The following VRK1 variants were observed in gnomAD, a reference collection of about 807,000 sequenced individuals.
VRK1 encodes serine/threonine-protein kinase VRK1.
In VRK1, 33 loss-of-function variants were observed where a neutral mutation model predicts 57.1. That is an observed-to-expected ratio of 0.58 (90% CI 0.44 to 0.77). VRK1 has a LOEUF of 0.77. Ranked by LOEUF, VRK1 falls within the 30% of genes least tolerant of loss-of-function variation. The probability of loss-of-function intolerance (pLI) is 0.00; values close to 1 mark genes in which losing one functional copy is unlikely to be tolerated. For missense variants in VRK1, 413 were observed against 477.3 expected (o/e 0.87, Z 1.25); for synonymous variants, 137 against 147.8 (o/e 0.93, Z 0.53).
intron 11 of VRK1, among the ~76,000 whole-genome samples, chr14:96,873,453 T>C (rs1888906145): frequency 6.6e-6 from 1 of 152,178 alleles, no homozygotes; most frequent in South Asian, 2.1e-4. Context: ...TTTGAAGATA[T>C]TTTAGCTGTG....
intron 1 of VRK1, among the ~76,000 whole-genome samples, chr14:96,798,613 A>G (rs1007511722): frequency 6.6e-6 from 1 of 152,050 alleles, no homozygotes; most frequent in Non-Finnish European, 1.5e-5. Context: ...ATCTGTTGAG[A>G]CTGAAATTCA....
At chr14:96,847,452 C>T (rs1269480363) in intron 5 of VRK1, 108 bp downstream of exon 5, 2 of 846,014 alleles carry the variant, frequency 2.4e-6, no homozygotes, top group East Asian at 2.7e-5. Flanking sequence ...ACTAGGCCTC[C>T]CTCTGGAGTA....
intron 10 of VRK1, among the ~76,000 whole-genome samples, chr14:96,860,260 T>C (rs1888332283): frequency 6.6e-6 from 1 of 152,120 alleles, no homozygotes; most frequent in Admixed American, 6.5e-5. Context: ...TTTGTATTTT[T>C]TTATAACTTT....
intron 1 of VRK1, among the ~76,000 whole-genome samples, chr14:96,809,682 C>T (rs1237222801): frequency 1.3e-5 from 2 of 151,478 alleles, no homozygotes; most frequent in East Asian, 2.0e-4. Context: ...AAGTGATTCT[C>T]CTGCCTCAGT....
At chr14:96,875,888 A>G in intron 11 of VRK1, 142 bp from the exon 12 acceptor site, 1 of 859,454 alleles carries the variant, frequency 1.2e-6, no homozygotes. Flanking sequence ...TACTATCCTG[A>G]AGTTGAGAAT....
At chr14:96,858,655 C>A (rs1888262941) in intron 10 of VRK1, among the ~76,000 whole-genome samples, 1 of 152,136 alleles carries the variant, frequency 6.6e-6, no homozygotes, top group Non-Finnish European at 1.5e-5. Context: ...ACCATTCTTT[C>A]CCTTTGTTGT....
chr14:96,881,529 A>G lies in VRK1; in HGVS notation c.*321A>G, dbSNP rs1414748838. 4.6e-6 allele frequency: 1 copy of G among 219,726 alleles called. No homozygotes were observed. The highest frequency in any genetic ancestry group is 9.7e-5 in the East Asian group (1 of 10,302). The allele number at this position is 219,726 out of a possible 1,614,324, so 13.6% of individuals were successfully genotyped here. ...AATCATTGTACATTTCTCAGAGTGG[A>G]TAAAAATGTTTGACAAAGTCCTCAC... On this transcript the variant is annotated 3_prime_UTR_variant, in exon 13 of 13. Coordinates refer to ENST00000216639, the MANE Select transcript of VRK1 (RefSeq NM_003384.3).
At chr14:96,879,674 A>T (rs1346239275) in intron 12 of VRK1, among the ~76,000 whole-genome samples, 1 of 152,108 alleles carries the variant, frequency 6.6e-6, no homozygotes, top group Non-Finnish European at 1.5e-5. Flanking sequence ...CATGCTTGTA[A>T]TGCCAGCAGT....
chr14:96,817,658 T>C (rs1474127136), intron 1 of VRK1, among the ~76,000 whole-genome samples: 1 of 152,200 alleles, frequency 6.6e-6, no homozygotes, highest in African/African-American at 2.4e-5. Flanking sequence ...GATCTATTGA[T>C]AGATTATTAT....
chr14:96,813,935 C>G (rs1222653675), intron 1 of VRK1, among the ~76,000 whole-genome samples: 1 of 152,048 alleles, frequency 6.6e-6, no homozygotes, highest in Non-Finnish European at 1.5e-5. Flanking sequence ...ATGATACAGT[C>G]AGTATCATTA....
chr14:96,803,759 A>G (rs1885762104), intron 1 of VRK1, among the ~76,000 whole-genome samples: 1 of 152,116 alleles, frequency 6.6e-6, no homozygotes, highest in South Asian at 2.1e-4. Flanking sequence ...GCGTACTGGT[A>G]TCTTGTCATG....
intron 1 of VRK1, among the ~76,000 whole-genome samples, chr14:96,815,345 A>G (rs546522377): frequency 6.6e-6 from 1 of 152,306 alleles, no homozygotes; most frequent in South Asian, 2.1e-4. Flanking sequence ...AGGGATGCAG[A>G]TAAATGTATT....
chr14:96,835,528 A>G (rs1887178833), intron 2 of VRK1, among the ~76,000 whole-genome samples: 1 of 152,098 alleles, frequency 6.6e-6, no homozygotes. Context: ...TCTGTAGCCT[A>G]GGACTTGATT....
At chr14:96,877,477 CCT>C (rs1466297590) in intron 12 of VRK1, 24 of 1,288,908 alleles carry the variant, frequency 1.9e-5, no homozygotes, top group Middle Eastern at 2.1e-4. Context: ...CCTCCTTTCC[CCT>C]GTCTTGTTCA....
chr14:96,831,393 G>A (rs1203950870), intron 1 of VRK1, among the ~76,000 whole-genome samples: 1 of 152,172 alleles, frequency 6.6e-6, no homozygotes, highest in Non-Finnish European at 1.5e-5. Context: ...CATGTCCAGC[G>A]TTAACCTTCA....
intron 1 of VRK1, among the ~76,000 whole-genome samples, chr14:96,832,477 C>G (rs957071988): frequency 6.6e-6 from 1 of 152,066 alleles, no homozygotes; most frequent in Non-Finnish European, 1.5e-5. Context: ...CACATGCATA[C>G]TAGTACAAAT....
chr14:96,847,559 C>G (rs1423775494), intron 5 of VRK1, among the ~76,000 whole-genome samples: 1 of 152,152 alleles, frequency 6.6e-6, no homozygotes, highest in African/African-American at 2.4e-5. Context: ...AGGAGTGCCT[C>G]TCTAGTCAGG....
chr14:96,855,178 G>A (rs2139801515), intron 7 of VRK1, 46 bp from the exon 8 acceptor site: 1 of 1,613,350 alleles, frequency 6.2e-7, no homozygotes, highest in East Asian at 2.2e-5. Flanking sequence ...GGTTATATGT[G>A]CAGTGATTTT....
At chr14:96,864,586 G>A (rs891564926) in intron 11 of VRK1, among the ~76,000 whole-genome samples, 3 of 152,054 alleles carry the variant, frequency 2.0e-5, no homozygotes, top group Non-Finnish European at 4.4e-5. Context: ...TTTTTGGGGG[G>A]AAACATGTAC....
Sources: allele counts gnomAD v4.1 joint callset (sites outside exome capture counted in the v4.1 genomes callset), GRCh38; gene constraint gnomAD v4.1.1; transcripts MANE v1.5; gene names NCBI Gene and HGNC (gene_info 2026-07-23, HGNC 2026-07-21).